Variants in SLC24A5 observed in about 807,000 individuals in gnomAD.
The protein encoded by SLC24A5 is sodium/potassium/calcium exchanger 5.
A neutral mutation model predicts 51.6 loss-of-function variants in SLC24A5; 46 were observed. The ratio of observed to expected loss-of-function variants is 0.89; its 90% CI spans 0.70 to 1.14. The LOEUF (loss-of-function observed/expected upper bound fraction) is 1.14, where lower values mean the gene tolerates loss of function less well. SLC24A5 is among the 50% of genes most tolerant of loss of function. SLC24A5 has a pLI of 0.00. For missense variants in SLC24A5, 581 were observed against 604.1 expected (o/e 0.96, Z 0.40); for synonymous variants, 230 against 214.9 (o/e 1.07, Z -0.62).
intron 2 of SLC24A5, chr15:48,122,460 A>G (rs2038690330): frequency 4.5e-6 from 1 of 222,338 alleles, no homozygotes; most frequent in Non-Finnish European, 8.8e-6. Context: ...AAAAAGTGAT[A>G]AACAAATGCA....
intron 8 of SLC24A5, chr15:48,141,593 CAA>C (rs202102577): frequency 8.3e-4 from 87 of 104,498 alleles, no homozygotes; most frequent in Admixed American, 1.4e-3. Context: ...AAACAAAAAC[CAA>C]AAAAAAAAAA....
chr15:48,122,986 G>A (rs894041426), intron 2 of SLC24A5: 5 of 151,960 alleles, frequency 3.3e-5, no homozygotes, highest in Admixed American at 1.3e-4. Context: ...TTTATAAAGG[G>A]AAAGAGCATG....
intron 2 of SLC24A5, among the ~76,000 whole-genome samples, chr15:48,124,844 C>A (rs1388983071): frequency 1.3e-5 from 2 of 152,098 alleles, no homozygotes; most frequent in African/African-American, 4.8e-5. Context: ...ATGCCACTGC[C>A]AAATCTTCAG....
At chr15:48,124,390 T>C (rs2038710381) in intron 2 of SLC24A5, 1 of 152,144 alleles carries the variant, frequency 6.6e-6, no homozygotes, top group Non-Finnish European at 1.5e-5. Context: ...TCTGTTCTAA[T>C]AACCTTTTTG....
intron 2 of SLC24A5, chr15:48,124,166 C>A (rs2038707981): frequency 6.6e-6 from 1 of 151,892 alleles, no homozygotes; most frequent in Non-Finnish European, 1.5e-5. Flanking sequence ...CTTTATGGTT[C>A]TCCTTTTGGT....
intron 2 of SLC24A5, among the ~76,000 whole-genome samples, chr15:48,130,120 T>C (rs1183899432): frequency 6.6e-6 from 1 of 152,120 alleles, no homozygotes; most frequent in Non-Finnish European, 1.5e-5. Flanking sequence ...TGTGTTGATA[T>C]CTAAACCTAT....
In SLC24A5 at chr15:48,142,660, T is replaced by C; in HGVS notation, c.*309T>C. The C allele has an allele frequency of 4.4e-6, 2 of 456,810 alleles. No homozygotes were observed. The highest frequency in any genetic ancestry group is 7.6e-6 in the Non-Finnish European group (2 of 263,932). The allele number at this position is 456,810 out of a possible 1,614,324, so 28.3% of individuals were successfully genotyped here. On this transcript the variant is annotated 3_prime_UTR_variant, in exon 9 of 9. Transcript: ENST00000341459. The stretch of plus-strand genomic sequence containing the variant: ...GTACTGAAAACAACAAGAAAATGGC[T>C]TATTTCATTAAAAACAGTATAACCA...
rs1338053608 is a variant in SLC24A5 at position 48,134,238 on chromosome 15, ATCATT to A, written c.302-13_302-9del. The A allele has an allele frequency of 2.5e-6, 4 of 1,604,400 alleles. No individual in the cohort carries two copies. The highest frequency in any genetic ancestry group is 1.1e-5 in the South Asian group (1 of 90,830). On this transcript the variant is annotated splice_polypyrimidine_tract_variant and intron_variant, in intron 2 of 8. Transcript: ENST00000341459. ...CTCTTTCACTTTATTAGGCATAACA[ATCATT>A]TCATTTATGTTCAGCCCTTGGATTG...
chr15:48,134,571 G>C (rs2038849957), intron 4 of SLC24A5, 33 bp downstream of exon 4: 4 of 1,543,736 alleles, frequency 2.6e-6, no homozygotes, highest in South Asian at 1.1e-5. Flanking sequence ...AAAATGTATT[G>C]TCTTAAAAAA....
At chr15:48,125,291 T>A (rs921916820) in intron 2 of SLC24A5, among the ~76,000 whole-genome samples, 28 of 148,462 alleles carry the variant, frequency 1.9e-4, no homozygotes, top group East Asian at 3.9e-4. Flanking sequence ...ATATATGATT[T>A]TATATATATA....
At chr15:48,138,918 CTTAA>C in intron 6 of SLC24A5, 47 bp from the exon 7 acceptor site, 1 of 1,363,042 alleles carries the variant, frequency 7.3e-7, no homozygotes, top group Non-Finnish European at 1.0e-6. Flanking sequence ...GCATTTCTAA[CTTAA>C]TTAGCCATTT....
chr15:48,136,764 T>A lies in SLC24A5; in HGVS notation c.672T>A (p.Ile224=), dbSNP rs746843699. The A allele has an allele frequency of 2.2e-5, 36 of 1,613,610 alleles. 1 individual carries two copies. The South Asian group carries it at 3.5e-4, about 16-fold the overall frequency. The change falls in exon 6 of 9, where the codon ATT becomes ATA. Residue 224 remains isoleucine, a synonymous_variant. Transcript: ENST00000341459. ...LCFDIKINQY[I]IKKCSPCCAC... ...TTGACATTAAAATTAACCAATATAT[T>A]ATAAAGAAATGCAGTCCTTGCTGCG...
intron 2 of SLC24A5, among the ~76,000 whole-genome samples, chr15:48,126,097 C>T (rs938402276): frequency 2.0e-5 from 3 of 152,160 alleles, no homozygotes; most frequent in African/African-American, 7.2e-5. Context: ...TCTTTTGGAC[C>T]TATGTATGTT....
chr15:48,130,817 G>C lies in SLC24A5; in HGVS notation c.302-3441G>C, dbSNP rs140645940. Among the ~76,000 whole-genome samples, 191 of 152,204 alleles carry C rather than the reference G, an allele frequency of 1.3e-3. 6 individuals carry two copies. The South Asian group carries it at 0.037, about 29-fold the overall frequency. Reference sequence around the variant, plus strand: ...TAGAATGAGGGTGATTATGGTGCCAGTGCCACAAAGTGTAAACAAAAAAGA... The same window carrying C: ...TAGAATGAGGGTGATTATGGTGCCACTGCCACAAAGTGTAAACAAAAAAGA... On this transcript the variant is annotated intron_variant, in intron 2 of 8. Coordinates refer to ENST00000341459, the MANE Select transcript of SLC24A5 (RefSeq NM_205850.3).
intron 6 of SLC24A5, chr15:48,137,381 G>C: frequency 6.3e-6 from 1 of 159,072 alleles, no homozygotes; most frequent in Non-Finnish European, 1.4e-5. Flanking sequence ...AAAACACATA[G>C]AGCACAGTAT....
intron 2 of SLC24A5, among the ~76,000 whole-genome samples, chr15:48,127,797 T>C (rs1451671140): frequency 1.3e-5 from 2 of 152,252 alleles, no homozygotes; most frequent in East Asian, 3.9e-4. Context: ...CCCTCCAGCC[T>C]GGGCAACAGA....
At chr15:48,138,390 C>T (rs1338640564) in intron 6 of SLC24A5, 3 of 151,928 alleles carry the variant, frequency 2.0e-5, no homozygotes, top group Non-Finnish European at 4.4e-5. Flanking sequence ...CTACCTCCTA[C>T]TTTAAGGTTA....
intron 6 of SLC24A5, chr15:48,138,312 C>A (rs1175769618): frequency 1.3e-5 from 2 of 151,824 alleles, no homozygotes; most frequent in South Asian, 4.2e-4. Flanking sequence ...TTATCATTAT[C>A]CTTCTACTAA....
At chr15:48,141,797 T>C (rs1413817730) in intron 8 of SLC24A5, 6 of 304,222 alleles carry the variant, frequency 2.0e-5, no homozygotes, top group African/African-American at 1.3e-4. Context: ...ATAAGCTATA[T>C]ACCTTATTGA....
Sources: gnomAD v4.1 joint callset for allele counts (sites outside exome capture counted in the v4.1 genomes callset) on GRCh38, gnomAD v4.1.1 for gene constraint, MANE v1.5 for transcripts, NCBI Gene and HGNC (gene_info 2026-07-23, HGNC 2026-07-21) for gene names.